UBR4: variants seen among roughly 807,000 people sequenced by gnomAD.
UBR4 encodes E3 ubiquitin-protein ligase UBR4.
A neutral mutation model predicts 575.6 loss-of-function variants in UBR4; 124 were observed. The ratio of observed to expected loss-of-function variants is 0.22; its 90% CI spans 0.19 to 0.25. The LOEUF is 0.25. Ranked by LOEUF, UBR4 falls within the 10% of genes least tolerant of loss-of-function variation. The pLI is 1.00. For synonymous variants in UBR4, 2,455 were observed against 2,473.7 expected, an observed-to-expected ratio of 0.99 and a Z score of 0.22; for missense variants, 4,818 against 6,478.8, an observed-to-expected ratio of 0.74 and a Z score of 8.80.
chr1:19,126,793 T>C, intron 63 of UBR4, 138 bp from the exon 64 acceptor site: 1 of 889,514 alleles, frequency 1.1e-6, no homozygotes, highest in Non-Finnish European at 1.7e-6. Flanking sequence ...GCTCTTGCAC[T>C]GAAACTTCCC....
intron 54 of UBR4, 117 bp downstream of exon 54, chr1:19,144,669 T>A (rs1254278159): frequency 2.1e-6 from 3 of 1,414,214 alleles, no homozygotes; most frequent in Non-Finnish European, 2.9e-6. Flanking sequence ...TATTTGAAAC[T>A]TCATTCCCTT....
At chr1:19,102,968 C>T (rs1161407780) in intron 87 of UBR4, among the ~76,000 whole-genome samples, 1 of 152,188 alleles carries the variant, frequency 6.6e-6, no homozygotes, top group African/African-American at 2.4e-5. Context: ...TCAAACCTCT[C>T]ACTACCTAGG....
rs755168839 is a variant in UBR4 at position 19,160,281 on chromosome 1, C to A, written c.5407G>T (p.Ala1803Ser). 19 of 1,593,470 alleles carry A rather than the reference C, an allele frequency of 1.2e-5. No homozygotes were observed. The highest frequency in any genetic ancestry group is 1.5e-5 in the Non-Finnish European group (18 of 1,170,942). ...EGCREELQNQ[A>S]NFSFAPLVLD... ...ACGAGAGGAGCGAAGGAGAAATTGG[C>A]CTGAGAAAAATAGAAAAAATACACC... The change falls in exon 39 of 106, where the codon GCC becomes TCC. Residue 1803 changes from alanine (A) to serine (S), a missense_variant and splice_region_variant. By Grantham distance (99) the Ala-to-Ser change is moderately conservative (BLOSUM62 1). Coordinates refer to ENST00000375254, the MANE Select transcript of UBR4 (RefSeq NM_020765.3).
chr1:19,076,744 C>T lies in UBR4; in HGVS notation c.15483G>A (p.Val5161=). The part of the protein sequence containing the change: ...PVETFSEFLD[V]AGLLSEITDP... ...AGAGAAAACCTTGACACTAACCGGC[C>T]ACATCGAGGAACTCTGAGAAGGTCT... Residue 5161 remains valine (V), a synonymous_variant, in exon 105 of 106, where the codon GTG becomes GTA. Coordinates refer to ENST00000375254, the MANE Select transcript of UBR4 (RefSeq NM_020765.3). 6.2e-7 allele frequency: 1 copy of T among 1,614,118 alleles called. No individual in the cohort carries two copies. The highest frequency in any genetic ancestry group is 1.1e-5 in the South Asian group (1 of 91,080).
chr1:19,085,013 G>A (rs1432031573), intron 101 of UBR4, among the ~76,000 whole-genome samples: 1 of 152,230 alleles, frequency 6.6e-6, no homozygotes, highest in Non-Finnish European at 1.5e-5. Flanking sequence ...GTACATTTTG[G>A]AGGAAGCAAT....
Position 19,139,094 on chromosome 1 carries a change from C to T in UBR4, c.8720G>A (p.Gly2907Asp). Residue 2907 changes from glycine to aspartate, a missense_variant, in exon 59 of 106, where the codon GGC becomes GAC. By Grantham distance (94) the Gly-to-Asp change is moderately conservative. Coordinates refer to ENST00000375254, the MANE Select transcript of UBR4 (RefSeq NM_020765.3). The surrounding 1 kb of genome is among the most constrained non-coding windows in gnomAD (Gnocchi z 4.2). Reference sequence around the variant, plus strand: ...CCATGGCACATTACCACTGTGCTCGCCAGCCACTGAGTCCACTGCACTGCC... The same window carrying T: ...CCATGGCACATTACCACTGTGCTCGTCAGCCACTGAGTCCACTGCACTGCC... ...SGGSAVDSVA[G>D]EHSVSGRSSA... 6.2e-7 allele frequency: 1 copy of T among 1,612,634 alleles called. No individual in the cohort carries two copies. Among genetic ancestry groups the T allele is most frequent in the Non-Finnish European group, 8.5e-7 (1 of 1,179,184 alleles).
Position 19,152,502 on chromosome 1 carries a change from AAG to A in UBR4, c.6833-28_6833-27del. On this transcript the variant is annotated intron_variant, in intron 46 of 105. Coordinates refer to ENST00000375254, the MANE Select transcript of UBR4 (RefSeq NM_020765.3). This position sits in a 1 kb window ranked among gnomAD's most constrained non-coding sequence, Gnocchi z 4.4. ...CTGCAGAGAACGGTACCAGATCGTCAAGAGTCTCTCCCACCTCTGCCCCAACA... is the reference window on the plus strand; with the variant it reads ...CTGCAGAGAACGGTACCAGATCGTCAAGTCTCTCCCACCTCTGCCCCAACA... 1 of 1,612,706 alleles carries A rather than the reference AAG, an allele frequency of 6.2e-7. No individual in the cohort carries two copies. The highest frequency in any genetic ancestry group is 1.1e-5 in the South Asian group (1 of 91,006).
At position 19,074,763 on chromosome 1, in the gene UBR4, C is replaced by A; in HGVS notation, c.*69G>T. ...CATCCCGCGGAGGGAACTTAATGCA[C>A]AAGGAGGGAGAACAGAGGGTGGAAG... On this transcript the variant is annotated 3_prime_UTR_variant, in exon 106 of 106. Transcript: ENST00000375254. 4.5e-6 allele frequency: 7 copies of A among 1,557,598 alleles called. No homozygotes were observed.
intron 1 of UBR4, among the ~76,000 whole-genome samples, chr1:19,207,117 A>G (rs1178113138): frequency 1.3e-5 from 2 of 152,236 alleles, no homozygotes; most frequent in Non-Finnish European, 2.9e-5. Flanking sequence ...GAAGAAAAAC[A>G]TGGCAGGTTT....
chr1:19,191,589 G>C (rs1256627743), intron 11 of UBR4, among the ~76,000 whole-genome samples: 3 of 152,054 alleles, frequency 2.0e-5, no homozygotes, highest in Non-Finnish European at 4.4e-5. Context: ...TTTGTTCATT[G>C]TTTCTCCAGA....
At chr1:19,203,094 G>A (rs1178688737) in intron 1 of UBR4, among the ~76,000 whole-genome samples, 1 of 150,908 alleles carries the variant, frequency 6.6e-6, no homozygotes, top group Non-Finnish European at 1.5e-5. Flanking sequence ...AAAAAAAAAA[G>A]AAAGAAACAT....
At chr1:19,156,204 C>T (rs2086430279) in intron 42 of UBR4, 67 bp downstream of exon 42, 1 of 1,583,478 alleles carries the variant, frequency 6.3e-7, no homozygotes, top group African/African-American at 1.3e-5. Context: ...GAAGCTAGCA[C>T]ATAGTGATTC....
intron 68 of UBR4, 53 bp downstream of exon 68, chr1:19,121,136 A>T: frequency 1.3e-6 from 2 of 1,587,794 alleles, no homozygotes; most frequent in Non-Finnish European, 1.7e-6. Flanking sequence ...ATGTGCTCCA[A>T]GAGAGATTTA....
chr1:19,148,447 A>G, intron 50 of UBR4, 116 bp downstream of exon 50: 1 of 1,346,194 alleles, frequency 7.4e-7, no homozygotes. Flanking sequence ...TTCTTAGCAA[A>G]TCAAGATTAT....
At chr1:19,187,601 G>A in intron 11 of UBR4, 61 bp from the exon 12 acceptor site, 7 of 1,545,192 alleles carry the variant, frequency 4.5e-6, no homozygotes, top group Non-Finnish European at 5.3e-6. Context: ...TACAACTTCT[G>A]AAGCAGTGGA....
chr1:19,142,541 T>C (rs1033658559), intron 55 of UBR4, among the ~76,000 whole-genome samples: 1 of 152,186 alleles, frequency 6.6e-6, no homozygotes, highest in Non-Finnish European at 1.5e-5. Context: ...ATAAATGATA[T>C]GCAAGGAAGA....
chr1:19,198,952 A>G (rs748998576), intron 3 of UBR4, 24 bp from the exon 4 acceptor site: 2 of 1,607,252 alleles, frequency 1.2e-6, no homozygotes, highest in Admixed American at 3.4e-5. Context: ...AAATGCAAAC[A>G]AAAGAAAACA....
Position 19,201,769 on chromosome 1 carries a change from A to T in UBR4, c.223T>A (p.Ser75Thr), listed in dbSNP as rs1396928825. ...HHEKQYEPFY[S>T]SFVALSTHYI... is the part of the protein sequence containing the mutation. Reference sequence around the variant, plus strand: ...TGTGTGGAAAGTGCAACAAAAGATGAGTAGAATGGCTCGTACTGCTTCTCA... The same window carrying T: ...TGTGTGGAAAGTGCAACAAAAGATGTGTAGAATGGCTCGTACTGCTTCTCA... Residue 75 changes from serine to threonine, a missense_variant, in exon 2 of 106, where the codon TCA (serine) becomes ACA (threonine). Coordinates refer to ENST00000375254, the MANE Select transcript of UBR4 (RefSeq NM_020765.3). 5 of 1,614,160 alleles carry T rather than the reference A, an allele frequency of 3.1e-6. No individual in the cohort carries two copies. Among genetic ancestry groups the T allele is most frequent in the Non-Finnish European group, 4.2e-6 (5 of 1,179,990 alleles).
rs1246943652 is a variant in UBR4, at chr1:19,198,036, T to C, written c.662A>G (p.Asn221Ser). 6.2e-7 allele frequency: 1 copy of C among 1,613,818 alleles called. No individual in the cohort carries two copies. The highest frequency in any genetic ancestry group is 8.5e-7 in the Non-Finnish European group (1 of 1,179,980). Residue 221 changes from asparagine to serine, a missense_variant, in exon 6 of 106, where the codon AAT becomes AGT. By Grantham distance (46) the Asn-to-Ser change is conservative. Coordinates refer to ENST00000375254, the MANE Select transcript of UBR4 (RefSeq NM_020765.3). ...ISTQTLVEGE[N>S]DEQSSTDQAS... is the part of the protein sequence containing the mutation. ...TTGATCTGTAGATGACTGCTCATCA[T>C]TTTCTCCTTCCACCTGAAAAGAAAC...
Sources: allele counts gnomAD v4.1 joint callset (sites outside exome capture counted in the v4.1 genomes callset), GRCh38; gene constraint gnomAD v4.1.1; non-coding constraint Gnocchi (gnomAD v3.1); transcripts MANE v1.5; gene names NCBI Gene and HGNC (gene_info 2026-07-23, HGNC 2026-07-21).